The following FAT2 variants were observed in gnomAD, a reference collection of about 807,000 sequenced individuals.
FAT2 encodes FAT atypical cadherin 2.
A neutral mutation model predicts 295.3 loss-of-function variants in FAT2; 150 were observed. The ratio of observed to expected loss-of-function variants is 0.51; its 90% CI spans 0.44 to 0.58. The LOEUF (loss-of-function observed/expected upper bound fraction) is 0.58. Among genes scored for constraint, FAT2 ranks in the 20% least tolerant of loss-of-function variants. The pLI, the probability that FAT2 is intolerant of heterozygous loss-of-function variation, is 0.00. For synonymous variants in FAT2, 2,026 were observed against 2,150.3 expected (o/e 0.94, Z 1.60); for missense variants, 4,868 against 5,442.7 (o/e 0.89, Z 3.32).
intron 1 of FAT2, among the ~76,000 whole-genome samples, chr5:151,574,080 C>A (rs1295445710): frequency 1.3e-5 from 2 of 152,128 alleles, no homozygotes; most frequent in African/African-American, 2.4e-5. Flanking sequence ...AACGAGCCCC[C>A]CAATGGCAGC....
upstream of FAT2, among the ~76,000 whole-genome samples, chr5:151,593,254 C>A (rs1759483858): frequency 6.6e-6 from 1 of 152,228 alleles, no homozygotes; most frequent in African/African-American, 2.4e-5. Flanking sequence ...GCGGGGCAGC[C>A]CCACGGGCCC....
chr5:151,577,374 C>T (rs1758785533), intron 1 of FAT2, among the ~76,000 whole-genome samples: 1 of 152,220 alleles, frequency 6.6e-6, no homozygotes, highest in African/African-American at 2.4e-5. Context: ...TCATTTAATA[C>T]TCACTGAGGG....
In FAT2 at chr5:151,521,828, C is replaced by T. The variant is rs755118559; in HGVS notation, c.10765G>A (p.Ala3589Thr). ...TGGCCACGAGGCAGGCCCTGGGCGG[C>T]GATAATCTTGCCATCAGGCGCACCC... Reference protein sequence around the residue: ...SVGAPDGKIIAAQGLPRGHYS... With the variant: ...SVGAPDGKIITAQGLPRGHYS... The change falls in exon 19 of 24, where the codon GCC (alanine) becomes ACC (threonine). Residue 3589 changes from alanine to threonine, a missense_variant. By Grantham distance (58) the Ala-to-Thr change is moderately conservative (BLOSUM62 0). Around this residue, in one of 5 missense-constraint regions of FAT2, gnomAD observed 1,046 missense variants for 1,210.1 expected, o/e 0.86. Transcript: ENST00000261800. 19 of 1,614,018 alleles carry T rather than the reference C, an allele frequency of 1.2e-5. 1 individual carries two copies. The South Asian group carries it at 1.2e-4, about 10-fold the overall frequency.
chr5:151,584,746 C>T (rs978752324), intron 1 of FAT2, among the ~76,000 whole-genome samples: 1 of 152,174 alleles, frequency 6.6e-6, no homozygotes, highest in African/African-American at 2.4e-5. Flanking sequence ...AGGCCACGTG[C>T]CTTGTCCAAG....
chr5:151,506,321 C>T (rs1376961977), intron 23 of FAT2, among the ~76,000 whole-genome samples: 1 of 152,176 alleles, frequency 6.6e-6, no homozygotes, highest in Non-Finnish European at 1.5e-5. Context: ...CTTGCAAATC[C>T]CTGCCACTAA....
At chr5:151,533,393 A>AACACACACAC (rs36215342) in intron 13 of FAT2, among the ~76,000 whole-genome samples, 54 of 132,176 alleles carry the variant, frequency 4.1e-4, no homozygotes, top group Middle Eastern at 3.8e-3. Flanking sequence ...TGTTATCTCC[A>AACACACACAC]ACACACACAC....
chr5:151,527,977 C>A lies in FAT2; in HGVS notation c.10164+19G>T, dbSNP rs367776131. 9.9e-6 allele frequency: 16 copies of A among 1,612,726 alleles called. No individual in the cohort carries two copies. Among genetic ancestry groups the A allele is most frequent in the Admixed American group, 3.3e-5 (2 of 59,970 alleles). On this transcript the variant is annotated intron_variant, in intron 16 of 23. Coordinates refer to ENST00000261800, the MANE Select transcript of FAT2 (RefSeq NM_001447.3). ...TCTGCTCTAATGAGCTCAGGGTGCG[C>A]CCCTCCCACATGACTCACCTGTTCC...
chr5:151,564,359 A>C (rs1454046696), intron 2 of FAT2, among the ~76,000 whole-genome samples: 1 of 152,236 alleles, frequency 6.6e-6, no homozygotes, highest in African/African-American at 2.4e-5. Context: ...GACCAAGATC[A>C]TGTAGCAAGT....
At position 151,571,724 on chromosome 5, in the gene FAT2, C is replaced by T. The variant is rs569519071; in HGVS notation, c.-20-2773G>A. ...TAGATGAGTGAACAAGCTTGCAGGG[C>T]GCAGAAGCATGTTAGGCTCCTTGTA... On this transcript the variant is annotated intron_variant, in intron 1 of 23. Transcript: ENST00000261800. 5.9e-5 allele frequency among the ~76,000 whole-genome samples: 9 copies of T among 152,346 alleles called. No homozygotes were observed. In the South Asian group the frequency reaches 6.2e-4, roughly 11 times the overall value.
At position 151,568,489 on chromosome 5, in the gene FAT2, A is replaced by G; in HGVS notation, c.443T>C (p.Phe148Ser). The change falls in exon 2 of 24, where the codon TTC becomes TCC. Residue 148 changes from phenylalanine to serine, a missense_variant. Phe to Ser is a radical substitution (Grantham distance 155, BLOSUM62 -2). Around this residue, in one of 5 missense-constraint regions of FAT2, gnomAD observed 3,297 missense variants for 3,669.4 expected, o/e 0.90. Coordinates refer to ENST00000261800, the MANE Select transcript of FAT2 (RefSeq NM_001447.3). ...ILDQNDLKPL[F>S]SPPSYRVTIS... ...GGTGACTCTGTACGAAGGTGGAGAG[A>G]AGAGAGGCTTCAGGTCATTCTGGTC... 2.5e-6 allele frequency: 4 copies of G among 1,614,040 alleles called. No individual in the cohort carries two copies. Among genetic ancestry groups the G allele is most frequent in the East Asian group, 2.2e-5 (1 of 44,882 alleles).
rs771889231 is a variant in FAT2 at position 151,544,961 on chromosome 5, C to G, written c.6166G>C (p.Val2056Leu). 2 of 1,614,122 alleles carry G rather than the reference C, an allele frequency of 1.2e-6. No homozygotes were observed. Among genetic ancestry groups the G allele is most frequent in the Non-Finnish European group, 1.7e-6 (2 of 1,180,024 alleles). Reference sequence around the variant, plus strand: ...TTGACATCCTCAATAGAGACTCTGACCAAACCCTGAGCCACCCGCTGAGGT... The same window carrying G: ...TTGACATCCTCAATAGAGACTCTGAGCAAACCCTGAGCCACCCGCTGAGGT... ...RTPQRVAQGL[V>L]RVSIEDVNDN... Residue 2056 changes from valine to leucine, a missense_variant, in exon 10 of 24, where the codon GTC becomes CTC. Physicochemically the swap from Val to Leu is conservative, Grantham distance 32. This residue lies in a region of FAT2 where 3,297 missense variants were observed against 3,669.4 expected (regional missense o/e 0.90). Transcript: ENST00000261800.
At position 151,554,486 on chromosome 5, in the gene FAT2, C is replaced by A. The variant is rs1337896723; in HGVS notation, c.3821G>T (p.Gly1274Val). The A allele has an allele frequency of 9.9e-6, 16 of 1,614,212 alleles. No individual in the cohort carries two copies. The highest frequency in any genetic ancestry group is 1.4e-5 in the Non-Finnish European group (16 of 1,180,032). The change falls in exon 5 of 24, where the codon GGT becomes GTT. Residue 1274 changes from glycine (G) to valine (V), a missense_variant. By Grantham distance (109) the Gly-to-Val change is moderately radical (BLOSUM62 -3). This residue lies in a region of FAT2 where 3,297 missense variants were observed against 3,669.4 expected (regional missense o/e 0.90). Coordinates refer to ENST00000261800, the MANE Select transcript of FAT2 (RefSeq NM_001447.3). ...YRLVASDLDE[G>V]LNGRVTYSIE... ...ACTGTAGGTGACTCTGCCATTAAGA[C>A]CCTCATCCAGGTCTGAAGCCACCAG...
chr5:151,577,244 T>A (rs547010608), intron 1 of FAT2, among the ~76,000 whole-genome samples: 21 of 152,178 alleles, frequency 1.4e-4, no homozygotes, highest in African/African-American at 4.1e-4. Flanking sequence ...CCTGGAGAAA[T>A]GAATATTTGA....
chr5:151,591,881 A>C (rs1759425428), upstream of FAT2, among the ~76,000 whole-genome samples: 1 of 152,214 alleles, frequency 6.6e-6, no homozygotes, highest in Non-Finnish European at 1.5e-5. Context: ...GGTTGCTAAG[A>C]AACCAGTCAG....
In FAT2 at chr5:151,529,320, C is replaced by G. The variant is rs771350129; in HGVS notation, c.9884G>C (p.Arg3295Pro). The G allele has an allele frequency of 6.2e-7, 1 of 1,613,966 alleles. No individual in the cohort carries two copies. The highest frequency in any genetic ancestry group is 1.1e-5 in the South Asian group (1 of 91,062). The change falls in exon 15 of 24, where the codon CGG becomes CCG. Residue 3295 changes from arginine to proline, a missense_variant. Coordinates refer to ENST00000261800, the MANE Select transcript of FAT2 (RefSeq NM_001447.3). ...GTCACTGAGGGAAGAGGAGCTCTTC[C>G]GGCTGCACTCAATGGACAGGAAGTA... ...PKYFLSIECSRKSSSSLSDVT... is the reference protein window; with the variant it reads ...PKYFLSIECSPKSSSSLSDVT...
At chr5:151,575,244 T>C (rs1185280408) in intron 1 of FAT2, among the ~76,000 whole-genome samples, 1 of 152,240 alleles carries the variant, frequency 6.6e-6, no homozygotes, top group Non-Finnish European at 1.5e-5. Flanking sequence ...ATTCTTTTTA[T>C]TATTGATGAC....
At position 151,582,624 on chromosome 5, in the gene FAT2, C is replaced by T. The variant is rs534624422; in HGVS notation, c.-21+8541G>A. Among the ~76,000 whole-genome samples the T allele has an allele frequency of 9.8e-4, 149 of 152,284 alleles. 2 individuals carry two copies. The highest frequency in any genetic ancestry group is 3.4e-3 in the African/African-American group (141 of 41,552). ...AGGATCATACTCTCTACCATGCCCC[C>T]TTTCAAAGTTGATATCCCAAATGTG... is the stretch of plus-strand genomic sequence containing the variant. On this transcript the variant is annotated intron_variant, in intron 1 of 23. Transcript: ENST00000261800.
chr5:151,538,679 C>G (rs1488386926), intron 11 of FAT2, among the ~76,000 whole-genome samples: 1 of 152,090 alleles, frequency 6.6e-6, no homozygotes, highest in Non-Finnish European at 1.5e-5. Flanking sequence ...TATTTATTTT[C>G]TTGTTTTCTC....
In FAT2 at chr5:151,512,734, A is replaced by C; in HGVS notation, c.11464-128T>G. The stretch of plus-strand genomic sequence containing the variant: ...GGAGGGGGGTGTTTGGCTGTTTTAG[A>C]CATGGCATTTGCAGAGCATAAAAAC... On this transcript the variant is annotated intron_variant, in intron 20 of 23. Transcript: ENST00000261800. The surrounding 1 kb of genome is among the most constrained non-coding windows in gnomAD (Gnocchi z 4.1). 1.2e-6 allele frequency: 1 copy of C among 839,904 alleles called. No individual in the cohort carries two copies. The highest frequency in any genetic ancestry group is 1.8e-6 in the Non-Finnish European group (1 of 541,408). The allele number at this position is 839,904 out of a possible 1,614,324, so 52.0% of individuals were successfully genotyped here. A position where few individuals can be genotyped will look rare whatever the true frequency, so the allele number is the denominator to read the frequency against.
Sources: gnomAD v4.1 joint callset for allele counts (sites outside exome capture counted in the v4.1 genomes callset) on GRCh38, gnomAD v4.1.1 for gene constraint, gnomAD v4.1.1 regional missense constraint, Gnocchi (gnomAD v3.1) non-coding constraint, MANE v1.5 for transcripts, NCBI Gene and HGNC (gene_info 2026-07-23, HGNC 2026-07-21) for gene names.